Variants in PRR16 observed in about 807,000 individuals in gnomAD.
The protein encoded by PRR16 is proline rich 16.
A neutral mutation model predicts 18.2 loss-of-function variants in PRR16; 6 were observed. The ratio of observed to expected loss-of-function variants is 0.33; its 90% confidence interval spans 0.18 to 0.65. The LOEUF is 0.65. PRR16 is among the 30% of genes least tolerant of loss of function. The probability of loss-of-function intolerance (pLI) is 0.74; values close to 1 mark genes in which losing one functional copy is unlikely to be tolerated. For synonymous variants in PRR16, 151 were observed against 147.8 expected (o/e 1.02, Z -0.16); for missense variants, 412 against 376.6 (o/e 1.09, Z -0.78).
At chr5:120,509,892 A>C (rs967420277) in intron 1 of PRR16, among the ~76,000 whole-genome samples, 2 of 152,058 alleles carry the variant, frequency 1.3e-5, no homozygotes, top group Non-Finnish European at 2.9e-5. Context: ...AAGGTCTTCA[A>C]GTTTTTTTTC....
At chr5:120,733,177 G>C in the PRR16 span, among the ~76,000 whole-genome samples, 2 of 152,042 alleles carry the variant, frequency 1.3e-5, no homozygotes, top group African/African-American at 4.8e-5. Context: ...ACAGAGTCTT[G>C]TTCTGTCACC....
At chr5:120,540,191 A>AT (rs1336126123) in intron 1 of PRR16, among the ~76,000 whole-genome samples, 3 of 152,114 alleles carry the variant, frequency 2.0e-5, no homozygotes, top group Non-Finnish European at 1.5e-5. Flanking sequence ...TACACATTCC[A>AT]TTTTTTTGTT....
the PRR16 span, among the ~76,000 whole-genome samples, chr5:120,741,802 T>C: frequency 6.6e-6 from 1 of 152,096 alleles, no homozygotes; most frequent in Admixed American, 6.5e-5. Flanking sequence ...GTTTTCTCCA[T>C]GTTGGCCAGG....
chr5:120,497,383 G>A (rs1408185345), intron 1 of PRR16, among the ~76,000 whole-genome samples: 2 of 106,954 alleles, frequency 1.9e-5, no homozygotes, highest in South Asian at 5.5e-4. Context: ...TTGATGAACT[G>A]ATTTTTTTTT....
At chr5:120,717,990 A>C in the PRR16 span, among the ~76,000 whole-genome samples, 1 of 152,130 alleles carries the variant, frequency 6.6e-6, no homozygotes, top group South Asian at 2.1e-4. Flanking sequence ...TCAATCTAAA[A>C]ATTTATTGTT....
the PRR16 span, among the ~76,000 whole-genome samples, chr5:120,762,618 C>A: frequency 6.6e-6 from 1 of 152,080 alleles, no homozygotes; most frequent in African/African-American, 2.4e-5. Flanking sequence ...GTTCTTTGCC[C>A]ACTTTTTAAG....
chr5:120,790,037 G>T, the PRR16 span: 1 of 152,076 alleles, frequency 6.6e-6, no homozygotes, highest in African/African-American at 2.4e-5. Flanking sequence ...GACTTCCTGA[G>T]GACAGATCTA....
At chr5:120,518,190 G>A (rs1751058882) in intron 1 of PRR16, among the ~76,000 whole-genome samples, 1 of 152,124 alleles carries the variant, frequency 6.6e-6, no homozygotes, top group African/African-American at 2.4e-5. Context: ...TGGGTTAAAT[G>A]AGGTAATGTA....
chr5:120,662,899 T>C (rs1020473), intron 1 of PRR16, among the ~76,000 whole-genome samples: 64,289 of 152,006 alleles, frequency 0.42, 14,532 homozygotes, highest in East Asian at 0.86. Context: ...TTTGTACTTA[T>C]TGTAGAATAA....
chr5:120,772,474 G>C, the PRR16 span, among the ~76,000 whole-genome samples: 1 of 151,974 alleles, frequency 6.6e-6, no homozygotes, highest in African/African-American at 2.4e-5. Flanking sequence ...ATAATTACTT[G>C]AGATATACCG....
At chr5:120,532,571 A>C (rs956512361) in intron 1 of PRR16, among the ~76,000 whole-genome samples, 1 of 152,100 alleles carries the variant, frequency 6.6e-6, no homozygotes, top group African/African-American at 2.4e-5. Flanking sequence ...GGTTTTGAGA[A>C]TTTTCCTAAT....
At chr5:120,585,015 T>G (rs559534839) in intron 1 of PRR16, among the ~76,000 whole-genome samples, 1 of 152,280 alleles carries the variant, frequency 6.6e-6, no homozygotes, top group African/African-American at 2.4e-5. Flanking sequence ...GCTGTTGTTT[T>G]CAGTCTCTCG....
the PRR16 span, among the ~76,000 whole-genome samples, chr5:120,743,482 CA>C: frequency 3.4e-4 from 52 of 152,184 alleles, no homozygotes; most frequent in African/African-American, 1.2e-3. Context: ...CTTAGAATTT[CA>C]GAGTTATTGT....
intron 1 of PRR16, among the ~76,000 whole-genome samples, chr5:120,640,442 A>C (rs889368661): frequency 6.6e-6 from 1 of 152,182 alleles, no homozygotes; most frequent in Non-Finnish European, 1.5e-5. Flanking sequence ...AGCCACGCAC[A>C]CATAAATTTT....
intron 1 of PRR16, among the ~76,000 whole-genome samples, chr5:120,594,094 G>A (rs1247848569): frequency 6.6e-6 from 1 of 152,110 alleles, no homozygotes; most frequent in Non-Finnish European, 1.5e-5. Context: ...ACTGGCACAA[G>A]ATAAGGATGC....
the PRR16 span, among the ~76,000 whole-genome samples, chr5:120,724,048 T>C: frequency 6.6e-6 from 1 of 151,856 alleles, no homozygotes; most frequent in African/African-American, 2.4e-5. Flanking sequence ...TTCCAGTCTT[T>C]GAATATGTTT....
chr5:120,765,754 C>A, the PRR16 span, among the ~76,000 whole-genome samples: 1 of 151,924 alleles, frequency 6.6e-6, no homozygotes, highest in Non-Finnish European at 1.5e-5. Context: ...TTTCCAAAGC[C>A]CCCATATGCC....
chr5:120,612,386 A>T (rs888585208), intron 1 of PRR16, among the ~76,000 whole-genome samples: 1 of 152,148 alleles, frequency 6.6e-6, no homozygotes, highest in Non-Finnish European at 1.5e-5. Context: ...GATATGGTTT[A>T]GCTGTGTTCT....
At chr5:120,779,678 A>C in the PRR16 span, among the ~76,000 whole-genome samples, 1 of 152,142 alleles carries the variant, frequency 6.6e-6, no homozygotes, top group East Asian at 1.9e-4. Context: ...AAATAATTAA[A>C]TATTAGAGGG....
Sources: allele counts gnomAD v4.1 joint callset (sites outside exome capture counted in the v4.1 genomes callset), GRCh38; gene constraint gnomAD v4.1.1; transcripts MANE v1.5; gene names NCBI Gene and HGNC (gene_info 2026-07-23, HGNC 2026-07-21).